Variants in ASCC1 observed in about 807,000 individuals in gnomAD.
ASCC1 encodes the protein ASC-1 complex subunit P50.
In ASCC1, 35 loss-of-function variants were observed where a neutral mutation model predicts 46.6. That is an observed-to-expected ratio of 0.75 (90% CI 0.57 to 0.99). The LOEUF is 0.99. ASCC1 is among the 50% of genes least tolerant of loss of function. The pLI, the probability that ASCC1 is intolerant of heterozygous loss-of-function variation, is 0.00. For missense variants in ASCC1, 376 were observed against 428.7 expected, an observed-to-expected ratio of 0.88 and a Z score of 1.09; for synonymous variants, 143 against 146.6, an observed-to-expected ratio of 0.98 and a Z score of 0.18.
chr10:72,114,809 A>G (rs1843321924), intron 9 of ASCC1, among the ~76,000 whole-genome samples: 1 of 152,124 alleles, frequency 6.6e-6, no homozygotes, highest in African/African-American at 2.4e-5. Flanking sequence ...TAAAAGAAAA[A>G]CTAAACTCTA....
intron 5 of ASCC1, among the ~76,000 whole-genome samples, chr10:72,162,406 C>G (rs1564675084): frequency 6.6e-6 from 1 of 151,964 alleles, no homozygotes; most frequent in Non-Finnish European, 1.5e-5. Context: ...CTCCTGACCT[C>G]ATGATCCGCC....
chr10:72,163,710 A>G (rs887222688), intron 5 of ASCC1, among the ~76,000 whole-genome samples: 4 of 151,686 alleles, frequency 2.6e-5, no homozygotes, highest in African/African-American at 9.7e-5. Context: ...ACTCCAGCCT[A>G]GGAGACAGAG....
At chr10:72,190,195 C>A in intron 5 of ASCC1, 1 of 764,252 alleles carries the variant, frequency 1.3e-6, no homozygotes, top group Admixed American at 1.7e-5. Context: ...GCAAGCCTGT[C>A]CATCATGGTG....
intron 7 of ASCC1, among the ~76,000 whole-genome samples, chr10:72,143,814 T>G (rs2132446622): frequency 6.6e-6 from 1 of 151,662 alleles, no homozygotes. Flanking sequence ...TCTCCTCCTA[T>G]GATGAAGGGT....
At chr10:72,213,686 T>C (rs907383724) in intron 1 of ASCC1, among the ~76,000 whole-genome samples, 3 of 149,472 alleles carry the variant, frequency 2.0e-5, no homozygotes, top group African/African-American at 4.9e-5. Flanking sequence ...GGTGGGAGGA[T>C]TGGTTGAGGC....
intron 5 of ASCC1, among the ~76,000 whole-genome samples, chr10:72,195,129 T>C: frequency 6.7e-6 from 1 of 149,018 alleles, no homozygotes; most frequent in Non-Finnish European, 1.5e-5. Flanking sequence ...TTTTGTGTGT[T>C]TTTTGCTGTG....
intron 7 of ASCC1, among the ~76,000 whole-genome samples, chr10:72,137,898 C>G (rs1249379598): frequency 6.6e-6 from 1 of 151,786 alleles, no homozygotes; most frequent in African/African-American, 2.4e-5. Context: ...GGGTCTCACT[C>G]TCTCATCCAG....
chr10:72,140,263 G>C (rs999966766), intron 7 of ASCC1, among the ~76,000 whole-genome samples: 1 of 152,118 alleles, frequency 6.6e-6, no homozygotes, highest in Non-Finnish European at 1.5e-5. Context: ...AGTAATATAA[G>C]GGAAATTTCA....
chr10:72,182,947 T>C (rs529473210), intron 5 of ASCC1, among the ~76,000 whole-genome samples: 1 of 152,042 alleles, frequency 6.6e-6, no homozygotes, highest in East Asian at 1.9e-4. Flanking sequence ...TACTTTCTTA[T>C]GGTATATTCC....
chr10:72,187,151 C>T (rs1487273890), intron 5 of ASCC1, among the ~76,000 whole-genome samples: 4 of 152,158 alleles, frequency 2.6e-5, no homozygotes, highest in Non-Finnish European at 5.9e-5. Context: ...TCCTACCCCA[C>T]CCTCCATTCC....
chr10:72,147,596 G>C (rs763050967), intron 7 of ASCC1, among the ~76,000 whole-genome samples: 5 of 152,044 alleles, frequency 3.3e-5, no homozygotes, highest in Non-Finnish European at 4.4e-5. Flanking sequence ...CTAAGAATTG[G>C]AACATAGTCT....
intron 3 of ASCC1, among the ~76,000 whole-genome samples, chr10:72,208,122 A>G (rs1857481637): frequency 6.6e-6 from 1 of 151,986 alleles, no homozygotes; most frequent in South Asian, 2.1e-4. Flanking sequence ...GAGCCACCAC[A>G]CCCAGCCTTC....
intron 5 of ASCC1, among the ~76,000 whole-genome samples, chr10:72,182,807 C>G (rs1239749487): frequency 1.9e-5 from 2 of 104,940 alleles, no homozygotes; most frequent in African/African-American, 9.1e-5. Flanking sequence ...AACACCCTGT[C>G]TCTAAAAGAA....
chr10:72,162,681 G>A (rs1039457341), intron 5 of ASCC1, among the ~76,000 whole-genome samples: 10 of 151,994 alleles, frequency 6.6e-5, no homozygotes, highest in African/African-American at 1.7e-4. Context: ...AGTGGCTCAC[G>A]CCTGTAATCC....
At chr10:72,187,388 G>A (rs1198650778) in intron 5 of ASCC1, among the ~76,000 whole-genome samples, 1 of 151,980 alleles carries the variant, frequency 6.6e-6, no homozygotes, top group Admixed American at 6.5e-5. Flanking sequence ...TGGATCACAA[G>A]GTCAGGAGAT....
rs74975934 is a variant in ASCC1, at chr10:72,148,738, G to C, written c.746+4131C>G. 3.9e-3 allele frequency among the ~76,000 whole-genome samples: 589 copies of C among 152,162 alleles called. 9 individuals carry two copies. The highest frequency in any genetic ancestry group is 0.014 in the African/African-American group (568 of 41,504). ...AGTATTTTCTAAATAACTGATGTTA[G>C]AAAACCATGCATGGGTTAAAGATCC... On this transcript the variant is annotated intron_variant, in intron 7 of 9. Transcript: ENST00000672957.
At chr10:72,153,175 A>G (rs941870278) in intron 6 of ASCC1, among the ~76,000 whole-genome samples, 187 bp from the exon 7 acceptor site, 4 of 152,218 alleles carry the variant, frequency 2.6e-5, no homozygotes, top group East Asian at 1.9e-4. Context: ...TAAATTTTCA[A>G]TGCACACAAA....
At chr10:72,138,212 C>T (rs998391224) in intron 7 of ASCC1, among the ~76,000 whole-genome samples, 6 of 152,196 alleles carry the variant, frequency 3.9e-5, no homozygotes, top group African/African-American at 1.4e-4. Flanking sequence ...TAACCATGCA[C>T]CGCAAATTGC....
At chr10:72,116,755 AT>A (rs1843538537) in intron 9 of ASCC1, among the ~76,000 whole-genome samples, 1 of 152,006 alleles carries the variant, frequency 6.6e-6, no homozygotes, top group Non-Finnish European at 1.5e-5. Context: ...CAGAACTGTT[AT>A]ATTGGTTTTT....
Sources: allele counts gnomAD v4.1 joint callset (sites outside exome capture counted in the v4.1 genomes callset), GRCh38; gene constraint gnomAD v4.1.1; transcripts MANE v1.5; gene names NCBI Gene and HGNC (gene_info 2026-07-23, HGNC 2026-07-21).